Variants in DIPK2B observed in about 807,000 individuals in gnomAD.
The protein encoded by DIPK2B is divergent protein kinase domain 2B.
In DIPK2B, 15 loss-of-function variants were observed where a neutral mutation model predicts 22.2. The observed-to-expected ratio is 0.68, with a 90% CI of 0.45 to 1.04. The LOEUF is 1.04. DIPK2B is among the 50% of genes least tolerant of loss of function. The probability of loss-of-function intolerance (pLI) is 0.00; values close to 1 mark genes in which losing one functional copy is unlikely to be tolerated. For missense variants in DIPK2B, 345 were observed against 348.3 expected (o/e 0.99, Z 0.08); for synonymous variants, 163 against 153.2 (o/e 1.06, Z -0.47).
chrX:45,167,711 G>T (rs1349960023), intron 2 of DIPK2B, among the ~76,000 whole-genome samples: 1 of 109,840 alleles, frequency 9.1e-6, no homozygotes, highest in South Asian at 3.9e-4. Context: ...TTGAGATGGA[G>T]TCTCACTCAG....
chrX:45,200,332 A>G (rs1391315035), intron 1 of DIPK2B, among the ~76,000 whole-genome samples: 3 of 112,119 alleles, frequency 2.7e-5, no homozygotes, highest in Non-Finnish European at 5.6e-5. Flanking sequence ...CAACAGTCCC[A>G]GGCTACTCCA....
intron 3 of DIPK2B, among the ~76,000 whole-genome samples, chrX:45,155,985 T>TTTTC (rs1319028953): frequency 5.3e-5 from 5 of 94,608 alleles, no homozygotes; most frequent in African/African-American, 2.0e-4. Context: ...TTTTTTTTTT[T>TTTTC]AGACAGAGTC....
At chrX:45,165,835 T>C (rs1437108807) in intron 2 of DIPK2B, among the ~76,000 whole-genome samples, 1 of 112,012 alleles carries the variant, frequency 8.9e-6, no homozygotes. Context: ...AGAACACGCA[T>C]GCAAAAGCCT....
intron 2 of DIPK2B, chrX:45,163,730 T>A: frequency 1.3e-6 from 1 of 757,314 alleles, no homozygotes; most frequent in Non-Finnish European, 1.6e-6. Flanking sequence ...AGAGAGTTCA[T>A]CCATCACTAG....
intron 3 of DIPK2B, among the ~76,000 whole-genome samples, chrX:45,155,429 A>ATATATAT (rs1250757945): frequency 2.4e-5 from 2 of 84,980 alleles, no homozygotes; most frequent in African/African-American, 8.0e-5. Context: ...TCTCAAAAAA[A>ATATATAT]AAATATATAT....
rs2046953913 is a variant in DIPK2B, at chrX:45,150,399, A to G, written c.*1253T>C. ...CAAACTGTTGAATAAAGTATGTTCT[A>G]TTGGTTGACCTTGAAAAAAGTATTT... On this transcript the variant is annotated 3_prime_UTR_variant, in exon 5 of 5. Coordinates refer to ENST00000398000, the MANE Select transcript of DIPK2B (RefSeq NM_176819.4). 8.9e-6 allele frequency: 1 copy of G among 112,071 alleles called. No homozygotes were observed. Among genetic ancestry groups the G allele is most frequent in the East Asian group, 2.8e-4 (1 of 3,585 alleles). 9.2% of individuals were successfully genotyped at this position (112,071 alleles called of 1,213,427 possible).
intron 2 of DIPK2B, among the ~76,000 whole-genome samples, chrX:45,166,743 A>T (rs2047051037): frequency 8.9e-6 from 1 of 112,321 alleles, no homozygotes; most frequent in South Asian, 3.7e-4. Flanking sequence ...TGAAAAAAAG[A>T]ACATGAACTC....
intron 2 of DIPK2B, among the ~76,000 whole-genome samples, chrX:45,176,720 T>C (rs1320473650): frequency 8.9e-6 from 1 of 111,812 alleles, no homozygotes; most frequent in African/African-American, 3.3e-5. Context: ...GCACAATCCT[T>C]AGAAGCACTT....
intron 2 of DIPK2B, among the ~76,000 whole-genome samples, chrX:45,188,754 C>A (rs906947358): frequency 1.8e-5 from 2 of 111,873 alleles, no homozygotes; most frequent in African/African-American, 6.5e-5. Context: ...TCTCCCCTCC[C>A]CTCAGCCCTT....
intron 2 of DIPK2B, among the ~76,000 whole-genome samples, chrX:45,171,701 C>A (rs1447791964): frequency 8.9e-6 from 1 of 112,456 alleles, no homozygotes; most frequent in African/African-American, 3.2e-5. Context: ...GGCCACACCC[C>A]CTCCAGGCAG....
At chrX:45,154,278 C>CCTAT (rs57660875) in intron 3 of DIPK2B, 80 bp from the exon 4 acceptor site, 70,510 of 590,201 alleles carry the variant, frequency 0.12, 3,955 homozygotes, top group Middle Eastern at 0.15. Context: ...TATCTATCTC[C>CCTAT]CTATCTATCT....
At chrX:45,179,428 C>T (rs1320646211) in intron 2 of DIPK2B, among the ~76,000 whole-genome samples, 2 of 110,527 alleles carry the variant, frequency 1.8e-5, no homozygotes, top group African/African-American at 3.3e-5. Context: ...AAACTATCAA[C>T]ACAAACAGAA....
intron 2 of DIPK2B, among the ~76,000 whole-genome samples, chrX:45,183,923 A>C (rs778362604): frequency 3.3e-4 from 37 of 112,006 alleles, no homozygotes; most frequent in Non-Finnish European, 6.4e-4. Context: ...TGTTCATCAA[A>C]ACTGAGAATA....
chrX:45,200,540 C>A, intron 1 of DIPK2B, 54 bp downstream of exon 1: 4 of 1,088,322 alleles, frequency 3.7e-6, no homozygotes, highest in Non-Finnish European at 5.0e-6. Context: ...TGGACATCTT[C>A]ACAAGAAGGG....
intron 3 of DIPK2B, 110 bp from the exon 4 acceptor site, chrX:45,154,308 T>TATCTATCTATC (rs2046979518): frequency 4.6e-6 from 3 of 659,078 alleles, no homozygotes; most frequent in Non-Finnish European, 6.5e-6. Context: ...TCTATCTATC[T>TATCTATCTATC]ATCTATCTAT....
Position 45,189,117 on chromosome X carries a change from C to A in DIPK2B, c.498+2634G>T, listed in dbSNP as rs185071078. Among the ~76,000 whole-genome samples, 412 of 112,164 alleles carry A rather than the reference C, an allele frequency of 3.7e-3. 1 individual carries two copies. Among genetic ancestry groups the A allele is most frequent in the Middle Eastern group, 0.023 (5 of 218 alleles). ...CATGGTCCCCAGGCTCATCTTGAAC[C>A]CCTGGCCTCAAGCAATCCTCCTGCC... is the stretch of plus-strand genomic sequence containing the variant. On this transcript the variant is annotated intron_variant, in intron 2 of 4. Transcript: ENST00000398000.
chrX:45,173,598 T>C (rs1034566083), intron 2 of DIPK2B, among the ~76,000 whole-genome samples: 2 of 107,299 alleles, frequency 1.9e-5, no homozygotes, highest in African/African-American at 3.4e-5. Flanking sequence ...TTCTTTCTTT[T>C]TTTTTTTGGT....
At chrX:45,170,369 C>T (rs962300729) in intron 2 of DIPK2B, among the ~76,000 whole-genome samples, 8 of 112,306 alleles carry the variant, frequency 7.1e-5, no homozygotes, top group South Asian at 3.7e-4. Flanking sequence ...CCACCGACTC[C>T]TGTCTTAGAT....
At chrX:45,155,903 C>T (rs2046990889) in intron 3 of DIPK2B, among the ~76,000 whole-genome samples, 1 of 108,346 alleles carries the variant, frequency 9.2e-6, no homozygotes, top group Admixed American at 1.0e-4. Flanking sequence ...TTTTAACGCA[C>T]ATACTGCATT....
Sources: allele counts gnomAD v4.1 joint callset (sites outside exome capture counted in the v4.1 genomes callset), GRCh38; gene constraint gnomAD v4.1.1; transcripts MANE v1.5; gene names NCBI Gene and HGNC (gene_info 2026-07-23, HGNC 2026-07-21).